LRRCC1: variants seen among roughly 807,000 people sequenced by gnomAD.
LRRCC1 encodes the protein leucine-rich repeat and coiled-coil domain-containing protein 1.
Under a neutral mutation model 126.0 loss-of-function variants are expected in LRRCC1, and 115 were observed. That is an observed-to-expected ratio of 0.91 (90% CI 0.78 to 1.07). LRRCC1 has a LOEUF of 1.07. Among genes scored for constraint, LRRCC1 ranks in the 50% least tolerant of loss-of-function variants. The pLI is 0.00. For synonymous variants in LRRCC1, 400 were observed against 393.4 expected (o/e 1.02, Z -0.20); for missense variants, 1,172 against 1,175.7 (o/e 1.00, Z 0.05).
chr8:85,112,916 T>C lies in LRRCC1; in HGVS notation c.377-16T>C. On this transcript the variant is annotated splice_polypyrimidine_tract_variant and intron_variant, in intron 3 of 18. Coordinates refer to ENST00000360375, the MANE Select transcript of LRRCC1 (RefSeq NM_033402.5). ...ACTATTGCTGTGGCATTTAAAGAAT[T>C]ATGTTCCTATTGCAGGATTGATTCC... 6.5e-7 allele frequency: 1 copy of C among 1,536,028 alleles called. No homozygotes were observed. The highest frequency in any genetic ancestry group is 1.3e-5 in the South Asian group (1 of 79,942).
At chr8:85,143,962 A>G (rs1336034727) in intron 18 of LRRCC1, among the ~76,000 whole-genome samples, 2 of 152,206 alleles carry the variant, frequency 1.3e-5, no homozygotes, top group African/African-American at 4.8e-5. Flanking sequence ...TGAGAGATCT[A>G]TATTAGGGTT....
At chr8:85,133,415 A>G (rs890612365) in intron 12 of LRRCC1, among the ~76,000 whole-genome samples, 2 of 151,922 alleles carry the variant, frequency 1.3e-5, no homozygotes, top group African/African-American at 2.4e-5. Flanking sequence ...TTTCTTTTCT[A>G]TACACACTCA....
intron 3 of LRRCC1, among the ~76,000 whole-genome samples, chr8:85,112,212 T>G (rs779343934): frequency 2.6e-5 from 4 of 152,184 alleles, no homozygotes; most frequent in Non-Finnish European, 4.4e-5. Flanking sequence ...ACATAACACT[T>G]AAATATAATT....
At chr8:85,144,836 C>T (rs903908877) in intron 18 of LRRCC1, among the ~76,000 whole-genome samples, 6 of 145,534 alleles carry the variant, frequency 4.1e-5, no homozygotes, top group African/African-American at 1.2e-4. Context: ...TTTGGGAGGC[C>T]GAGGTGGGCG....
intron 8 of LRRCC1, among the ~76,000 whole-genome samples, chr8:85,125,291 C>A (rs1809889084): frequency 6.6e-6 from 1 of 152,014 alleles, no homozygotes; most frequent in Non-Finnish European, 1.5e-5. Context: ...CTCAAAGAAG[C>A]CTATTTTTAC....
rs1414824676 is a variant in LRRCC1, at chr8:85,138,444, G to A, written c.2809G>A (p.Ala937Thr). Residue 937 changes from alanine to threonine, a missense_variant, in exon 17 of 19, where the codon GCG (alanine) becomes ACG (threonine). Physicochemically the swap from Ala to Thr is moderately conservative, Grantham distance 58. Transcript: ENST00000360375. ...TGAAAACAAGGAAAAGAAACTTAAA[G>A]CGGAAAGAGACAAAAGTATTGAACT... ...KFENKEKKLKAERDKSIELQK... is the reference protein window; with the variant it reads ...KFENKEKKLKTERDKSIELQK... 6.2e-7 allele frequency: 1 copy of A among 1,611,862 alleles called. No individual in the cohort carries two copies. Among genetic ancestry groups the A allele is most frequent in the South Asian group, 1.1e-5 (1 of 90,496 alleles).
intron 1 of LRRCC1, 130 bp from the exon 2 acceptor site, chr8:85,109,465 C>T (rs1025692632): frequency 6.7e-6 from 4 of 592,854 alleles, no homozygotes; most frequent in South Asian, 5.0e-5. Flanking sequence ...TCAAAGGTAC[C>T]ACAAATAGGA....
chr8:85,112,468 A>G (rs1808802200), intron 3 of LRRCC1, among the ~76,000 whole-genome samples: 1 of 152,222 alleles, frequency 6.6e-6, no homozygotes, highest in Non-Finnish European at 1.5e-5. Flanking sequence ...TACTGCTACA[A>G]AATGTTCTAG....
intron 17 of LRRCC1, among the ~76,000 whole-genome samples, chr8:85,139,544 G>A (rs1293558391): frequency 1.3e-5 from 2 of 152,140 alleles, no homozygotes; most frequent in African/African-American, 4.8e-5. Flanking sequence ...GGGATTACAG[G>A]GGTGAGCCAC....
At chr8:85,109,558 TA>T in intron 1 of LRRCC1, 36 bp from the exon 2 acceptor site, 1 of 1,258,708 alleles carries the variant, frequency 7.9e-7, no homozygotes. Context: ...GTCATGCTTT[TA>T]AAATCTATTT....
At chr8:85,136,078 C>A in intron 14 of LRRCC1, 115 bp downstream of exon 14, 1 of 847,910 alleles carries the variant, frequency 1.2e-6, no homozygotes. Flanking sequence ...AAAAGGTGAC[C>A]CTTTATCTGG....
intron 1 of LRRCC1, chr8:85,108,518 A>G (rs1808442407): frequency 6.6e-6 from 1 of 152,164 alleles, no homozygotes; most frequent in Non-Finnish European, 1.5e-5. Flanking sequence ...TTTCTATCTC[A>G]CATTATCTGC....
intron 17 of LRRCC1, among the ~76,000 whole-genome samples, chr8:85,139,111 T>G (rs1811073984): frequency 6.6e-6 from 1 of 152,144 alleles, no homozygotes; most frequent in African/African-American, 2.4e-5. Context: ...CATTTTAAAC[T>G]GTGTTTGAAT....
chr8:85,126,600 A>T, intron 8 of LRRCC1, 89 bp from the exon 9 acceptor site: 1 of 1,090,910 alleles, frequency 9.2e-7, no homozygotes, highest in South Asian at 1.5e-5. Flanking sequence ...AGTAGGTACT[A>T]TTATTCCCCT....
At chr8:85,127,850 A>C (rs1454118485) in intron 9 of LRRCC1, among the ~76,000 whole-genome samples, 1 of 152,216 alleles carries the variant, frequency 6.6e-6, no homozygotes, top group Non-Finnish European at 1.5e-5. Context: ...GTGTTTTATA[A>C]ATGTCTGTCT....
Position 85,138,487 on chromosome 8 carries a change from G to T in LRRCC1, c.2840+12G>T. ...ATTGAACTACAAAAGTAAGCATTAG[G>T]TTCTAAAGGATTTGAGATCTCCTTA... On this transcript the variant is annotated intron_variant, in intron 17 of 18. Transcript: ENST00000360375. 2.5e-6 allele frequency: 4 copies of T among 1,602,124 alleles called. No individual in the cohort carries two copies. The highest frequency in any genetic ancestry group is 3.4e-6 in the Non-Finnish European group (4 of 1,176,490).
At chr8:85,128,550 GA>G (rs1227946362) in intron 9 of LRRCC1, among the ~76,000 whole-genome samples, 1 of 151,484 alleles carries the variant, frequency 6.6e-6, no homozygotes, top group African/African-American at 2.4e-5. Flanking sequence ...GCCATGCTGT[GA>G]GTATATACAA....
chr8:85,112,782 T>G (rs1808822423), intron 3 of LRRCC1, 150 bp from the exon 4 acceptor site: 5 of 435,370 alleles, frequency 1.1e-5, no homozygotes, highest in Middle Eastern at 6.1e-4. Flanking sequence ...TTAACTTTAC[T>G]GATAGCCTAT....
intron 6 of LRRCC1, 125 bp from the exon 7 acceptor site, chr8:85,123,288 T>C (rs1563939923): frequency 3.1e-6 from 2 of 636,836 alleles, no homozygotes; most frequent in East Asian, 6.3e-5. Flanking sequence ...CTGTCTTTAA[T>C]ATCAAACATT....
Sources: gnomAD v4.1 joint callset for allele counts (sites outside exome capture counted in the v4.1 genomes callset) on GRCh38, gnomAD v4.1.1 for gene constraint, MANE v1.5 for transcripts, NCBI Gene and HGNC (gene_info 2026-07-23, HGNC 2026-07-21) for gene names.